Variants in INPP4B observed in about 807,000 individuals in gnomAD.
INPP4B encodes inositol polyphosphate 4-phosphatase type II.
In INPP4B, 55 loss-of-function variants were observed where a neutral mutation model predicts 122.5. The observed-to-expected ratio is 0.45, with a 90% CI of 0.36 to 0.56. The LOEUF (loss-of-function observed/expected upper bound fraction) is 0.56, where lower values mean the gene tolerates loss of function less well. Among genes scored for constraint, INPP4B ranks in the 20% least tolerant of loss-of-function variants. INPP4B has a pLI of 0.00. For missense variants in INPP4B, 1,000 were observed against 1,097.7 expected (o/e 0.91, Z 1.26); for synonymous variants, 403 against 388.7 (o/e 1.04, Z -0.43).
chr4:142,548,608 C>T (rs1178898636), intron 2 of INPP4B, among the ~76,000 whole-genome samples: 1 of 151,904 alleles, frequency 6.6e-6, no homozygotes, highest in Non-Finnish European at 1.5e-5. Flanking sequence ...ATGAAACAGT[C>T]ATTTTGCTCA....
intron 1 of INPP4B, among the ~76,000 whole-genome samples, chr4:142,816,473 G>T (rs1446041179): frequency 1.3e-5 from 2 of 151,790 alleles, no homozygotes; most frequent in Non-Finnish European, 2.9e-5. Flanking sequence ...AGTTAGTAAC[G>T]ATCTTAAAGG....
rs965498359 is a variant in INPP4B at position 142,625,770 on chromosome 4, G to A, written c.-191+100069C>T. Among the ~76,000 whole-genome samples, 8 of 152,162 alleles carry A rather than the reference G, an allele frequency of 5.3e-5. No individual in the cohort carries two copies. The East Asian group carries it at 5.8e-4, about 11-fold the overall frequency. ...ACAGTAACCAAAACAGCATGGTACT[G>A]GTACCAAAACAGAGATATAGATCAA... On this transcript the variant is annotated intron_variant, in intron 2 of 25. Coordinates refer to ENST00000262992, the MANE Select transcript of INPP4B (RefSeq NM_001101669.3).
intron 25 of INPP4B, among the ~76,000 whole-genome samples, chr4:142,041,734 C>T (rs1315797099): frequency 6.6e-6 from 1 of 152,098 alleles, no homozygotes; most frequent in Non-Finnish European, 1.5e-5. Flanking sequence ...GCTCTTTTTT[C>T]TCTAATATTG....
intron 2 of INPP4B, among the ~76,000 whole-genome samples, chr4:142,574,338 T>A (rs1733426167): frequency 6.6e-6 from 1 of 152,074 alleles, no homozygotes; most frequent in Non-Finnish European, 1.5e-5. Flanking sequence ...CAATCCTCTA[T>A]CTGCTTAAGG....
intron 11 of INPP4B, among the ~76,000 whole-genome samples, chr4:142,254,667 A>T (rs1366442305): frequency 6.6e-6 from 1 of 152,156 alleles, no homozygotes; most frequent in Admixed American, 6.5e-5. Context: ...AAGAATAAAA[A>T]GAAATGAACA....
At chr4:142,747,720 AG>A (rs1768983734) in intron 1 of INPP4B, among the ~76,000 whole-genome samples, 1 of 152,160 alleles carries the variant, frequency 6.6e-6, no homozygotes, top group South Asian at 2.1e-4. Context: ...TGTCTTTTGT[AG>A]GGACATGGAT....
intron 10 of INPP4B, among the ~76,000 whole-genome samples, chr4:142,267,601 T>G (rs146463764): frequency 4.4e-4 from 67 of 152,210 alleles, no homozygotes; most frequent in African/African-American, 1.5e-3. Context: ...AAATAAGCCC[T>G]AAAACTATAA....
chr4:142,785,736 G>A (rs1775675560), intron 1 of INPP4B, among the ~76,000 whole-genome samples: 1 of 152,000 alleles, frequency 6.6e-6, no homozygotes, highest in African/African-American at 2.4e-5. Flanking sequence ...AAAGAAAAAG[G>A]AGCAGAAGAG....
intron 15 of INPP4B, among the ~76,000 whole-genome samples, chr4:142,174,955 A>G (rs541567567): frequency 2.0e-5 from 3 of 152,188 alleles, no homozygotes; most frequent in East Asian, 3.9e-4. Context: ...GAACTAATCA[A>G]GCACATTATG....
chr4:142,654,241 G>A (rs1023672108), intron 2 of INPP4B, among the ~76,000 whole-genome samples: 1 of 151,940 alleles, frequency 6.6e-6, no homozygotes, highest in African/African-American at 2.4e-5. Flanking sequence ...GGCTCGGGAA[G>A]GGATAGAATT....
chr4:142,310,200 C>T (rs1764964390), intron 8 of INPP4B, among the ~76,000 whole-genome samples: 1 of 151,964 alleles, frequency 6.6e-6, no homozygotes, highest in African/African-American at 2.4e-5. Context: ...CTGTGCTATC[C>T]AATGGGTAGC....
intron 2 of INPP4B, among the ~76,000 whole-genome samples, chr4:142,618,926 A>G (rs2150364385): frequency 6.6e-6 from 1 of 152,194 alleles, no homozygotes; most frequent in East Asian, 1.9e-4. Context: ...AAATATGCAA[A>G]TGACTTGAAT....
intron 1 of INPP4B, among the ~76,000 whole-genome samples, chr4:142,753,947 C>T (rs557115438): frequency 1.4e-4 from 21 of 151,954 alleles, no homozygotes; most frequent in African/African-American, 4.1e-4. Context: ...CTTTCATTTC[C>T]TTCCTTTTTT....
At chr4:142,675,569 C>A (rs940048042) in intron 2 of INPP4B, among the ~76,000 whole-genome samples, 1 of 152,082 alleles carries the variant, frequency 6.6e-6, no homozygotes, top group African/African-American at 2.4e-5. Context: ...GGCCAATATC[C>A]CTGATGAACA....
intron 1 of INPP4B, among the ~76,000 whole-genome samples, chr4:142,731,511 C>G (rs1275966374): frequency 6.6e-6 from 1 of 152,030 alleles, no homozygotes; most frequent in African/African-American, 2.4e-5. Flanking sequence ...GTTTCCATTA[C>G]AATATTAGAA....
chr4:142,176,598 T>A (rs1039283747), intron 15 of INPP4B, among the ~76,000 whole-genome samples: 1 of 152,180 alleles, frequency 6.6e-6, no homozygotes, highest in Non-Finnish European at 1.5e-5. Context: ...ATGTTCTTTA[T>A]TCATGCCCTA....
intron 18 of INPP4B, among the ~76,000 whole-genome samples, chr4:142,144,350 G>T (rs1809527039): frequency 6.6e-6 from 1 of 151,670 alleles, no homozygotes; most frequent in African/African-American, 2.4e-5. Flanking sequence ...ACAAAATCCA[G>T]TGTCCCTTAT....
At chr4:142,084,268 C>A (rs1775598505) in intron 24 of INPP4B, among the ~76,000 whole-genome samples, 2 of 152,204 alleles carry the variant, frequency 1.3e-5, no homozygotes, top group Admixed American at 1.3e-4. Context: ...GGATTACAGG[C>A]ATGTGCCACC....
At chr4:142,488,226 A>G (rs10434184) in intron 2 of INPP4B, among the ~76,000 whole-genome samples, 11,326 of 151,998 alleles carry the variant, frequency 0.075, 484 homozygotes, top group African/African-American at 0.11. Flanking sequence ...TGTTGAACCA[A>G]TCTTGAATTC....
Sources: gnomAD v4.1 joint callset for allele counts (sites outside exome capture counted in the v4.1 genomes callset) on GRCh38, gnomAD v4.1.1 for gene constraint, MANE v1.5 for transcripts, NCBI Gene and HGNC (gene_info 2026-07-23, HGNC 2026-07-21) for gene names.